MICAL3: variants seen among roughly 807,000 people sequenced by gnomAD.
MICAL3 encodes microtubule associated monooxygenase, calponin and LIM domain containing 3.
Under a neutral mutation model 207.4 loss-of-function variants are expected in MICAL3, and 62 were observed. The observed-to-expected ratio is 0.30, with a 90% confidence interval of 0.24 to 0.37. MICAL3 has a LOEUF of 0.37. Among genes scored for constraint, MICAL3 ranks in the 10% least tolerant of loss-of-function variants. The pLI is 1.00. For synonymous variants in MICAL3, 1,077 were observed against 1,069.3 expected, an observed-to-expected ratio of 1.01 and a Z score of -0.14; for missense variants, 2,368 against 2,635.6, an observed-to-expected ratio of 0.90 and a Z score of 2.22.
chr22:17,890,237 G>C (rs1314024583), intron 12 of MICAL3, among the ~76,000 whole-genome samples: 1 of 151,902 alleles, frequency 6.6e-6, no homozygotes, highest in Non-Finnish European at 1.5e-5. Flanking sequence ...CCTCACCATA[G>C]GTTCAGCCTC....
In MICAL3 at chr22:17,900,941, T is replaced by C. The variant is rs551202813; in HGVS notation, c.748A>G (p.Ile250Val). The change falls in exon 6 of 32, where the codon ATC becomes GTC. Residue 250 changes from isoleucine to valine, a missense_variant. Physicochemically the swap from Ile to Val is conservative, Grantham distance 29. Around this residue, in one of 4 missense-constraint regions of MICAL3, gnomAD observed 400 missense variants for 547.0 expected, o/e 0.73. Transcript: ENST00000441493. The surrounding 1 kb of genome is among the most constrained non-coding windows in gnomAD (Gnocchi z 4.0). ...KLAIAITANF[I>V]NRNTTAEAKV... is the part of the protein sequence containing the mutation. ...GCTTCTGCTGTTGTATTTCGGTTGA[T>C]AAAATTTGCCGTGATGGCGATGGCC... 1.2e-6 allele frequency: 2 copies of C among 1,614,076 alleles called. No individual in the cohort carries two copies. Among genetic ancestry groups the C allele is most frequent in the Middle Eastern group, 1.6e-4 (1 of 6,062 alleles).
chr22:17,807,089 T>G (rs533563455), intron 29 of MICAL3, among the ~76,000 whole-genome samples: 1 of 152,310 alleles, frequency 6.6e-6, no homozygotes, highest in East Asian at 1.9e-4. Flanking sequence ...AACCATGAAA[T>G]GCGGTTATTC....
intron 1 of MICAL3, among the ~76,000 whole-genome samples, chr22:17,979,776 TAAAAAAACAA>T (rs1221529757): frequency 4.6e-4 from 48 of 104,092 alleles, no homozygotes; most frequent in Admixed American, 3.3e-3. Flanking sequence ...CTGGTGGATT[TAAAAAAACAA>T]AAAAAAACAA....
chr22:17,971,924 G>A (rs780212824), intron 1 of MICAL3, among the ~76,000 whole-genome samples: 3 of 152,230 alleles, frequency 2.0e-5, no homozygotes, highest in Non-Finnish European at 4.4e-5. Context: ...CAGGACCACC[G>A]GCCAGTGGGC....
intron 1 of MICAL3, among the ~76,000 whole-genome samples, chr22:17,926,977 T>G (rs1024769354): frequency 6.6e-6 from 1 of 152,224 alleles, no homozygotes; most frequent in African/African-American, 2.4e-5. Flanking sequence ...AATTGTACAA[T>G]TCAGTGGTAT....
In MICAL3 at chr22:17,793,849, AGAG is replaced by A. The variant is rs1011402175; in HGVS notation, c.5651-2551_5651-2549del. On this transcript the variant is annotated intron_variant, in intron 29 of 31. Transcript: ENST00000441493. The surrounding 1 kb of genome is among the most constrained non-coding windows in gnomAD (Gnocchi z 4.1). ...GGAGACGGAGAAAGACAAAAAAGGA[AGAG>A]GAGGAGAGGAGCAGGAATTTGGAAG... 6.6e-6 allele frequency: 1 copy of A among 152,340 alleles called. No individual in the cohort carries two copies. The highest frequency in any genetic ancestry group is 2.4e-5 in the African/African-American group (1 of 41,382). The allele number at this position is 152,340 out of a possible 1,614,324, so 9.4% of individuals were successfully genotyped here. A position where few individuals can be genotyped will look rare whatever the true frequency, so the allele number is the denominator to read the frequency against.
At chr22:17,969,136 GGGTTCAAGCAA>G (rs2146405399) in intron 1 of MICAL3, among the ~76,000 whole-genome samples, 1 of 151,992 alleles carries the variant, frequency 6.6e-6, no homozygotes, top group African/African-American at 2.4e-5. Context: ...TCCACCTCCC[GGGTTCAAGCAA>G]TTCTGCCTCA....
intron 20 of MICAL3, among the ~76,000 whole-genome samples, chr22:17,838,536 A>T (rs1923646341): frequency 6.6e-6 from 1 of 152,148 alleles, no homozygotes; most frequent in East Asian, 1.9e-4. Context: ...TAATCCTCAA[A>T]ACAAACCTAT....
chr22:17,869,114 T>C (rs1189568964), intron 17 of MICAL3, among the ~76,000 whole-genome samples: 1 of 152,020 alleles, frequency 6.6e-6, no homozygotes, highest in Admixed American at 6.5e-5. Flanking sequence ...TTCATCATGC[T>C]TATGGGATGG....
intron 28 of MICAL3, among the ~76,000 whole-genome samples, chr22:17,810,223 T>C (rs1054575153): frequency 2.4e-4 from 36 of 151,758 alleles, no homozygotes; most frequent in East Asian, 3.9e-4. Flanking sequence ...CCACCACGCC[T>C]GGCTAATTTT....
intron 1 of MICAL3, among the ~76,000 whole-genome samples, chr22:17,969,670 C>T (rs1935313830): frequency 1.3e-5 from 2 of 152,182 alleles, no homozygotes; most frequent in Non-Finnish European, 2.9e-5. Context: ...ATTCTAGAAA[C>T]TTATTTTGGG....
chr22:17,960,008 C>T (rs1040657150), intron 1 of MICAL3, among the ~76,000 whole-genome samples: 12 of 152,198 alleles, frequency 7.9e-5, no homozygotes, highest in African/African-American at 1.2e-4. Flanking sequence ...GAGCACTTAA[C>T]GTCTGTGGAT....
In MICAL3 at chr22:17,930,230, A is replaced by G. The variant is rs148736345; in HGVS notation, c.-74-23344T>C. ...CGCGTGGTGAACTCGTACAACCACT[A>G]TGGAAAATTGTTCAGCAGTGGTTCT... On this transcript the variant is annotated intron_variant, in intron 1 of 31. Coordinates refer to ENST00000441493, the MANE Select transcript of MICAL3 (RefSeq NM_015241.3). Among the ~76,000 whole-genome samples the G allele has an allele frequency of 1.7e-3, 257 of 152,320 alleles. 1 individual carries two copies. Among genetic ancestry groups the G allele is most frequent in the Middle Eastern group, 6.8e-3 (2 of 294 alleles).
chr22:17,989,656 A>T (rs61062872), intron 1 of MICAL3, among the ~76,000 whole-genome samples: 6,761 of 152,192 alleles, frequency 0.044, 282 homozygotes, highest in African/African-American at 0.11. Flanking sequence ...TCTCCTCCGT[A>T]GGCCCACAGA....
rs201172389 is a variant in MICAL3, at chr22:17,877,198, GGGAGGTTAT to G, written c.2242-5184_2242-5176del. Reference sequence around the variant, plus strand: ...GAGGTTAGGGAAGTTATGGAGGTTAGGGAGGTTATGGAGGTTATGGAGGTTAGGGAGGTT... The same window carrying G: ...GAGGTTAGGGAAGTTATGGAGGTTAGGGAGGTTATGGAGGTTAGGGAGGTT... On this transcript the variant is annotated intron_variant, in intron 16 of 31. Transcript: ENST00000441493. 1.7e-3 allele frequency among the ~76,000 whole-genome samples: 71 copies of G among 41,214 alleles called. 4 individuals carry two copies. Among genetic ancestry groups the G allele is most frequent in the Middle Eastern group, 0.026 (1 of 38 alleles). 27.0% of individuals were successfully genotyped at this position (41,214 alleles called of 152,430 possible). A position where few individuals can be genotyped will look rare whatever the true frequency, so the allele number is the denominator to read the frequency against.
At chr22:17,912,538 A>T (rs1311532289) in intron 1 of MICAL3, among the ~76,000 whole-genome samples, 1 of 152,174 alleles carries the variant, frequency 6.6e-6, no homozygotes, top group African/African-American at 2.4e-5. Flanking sequence ...TCACTGTACA[A>T]GGCTTTCACC....
intron 20 of MICAL3, among the ~76,000 whole-genome samples, chr22:17,836,534 G>C (rs1183110372): frequency 6.6e-6 from 1 of 152,096 alleles, no homozygotes; most frequent in African/African-American, 2.4e-5. Context: ...AGAAGGTCTT[G>C]ATCAAGCTCC....
chr22:17,885,570 C>A (rs1041937803), intron 16 of MICAL3, among the ~76,000 whole-genome samples: 1 of 152,126 alleles, frequency 6.6e-6, no homozygotes, highest in Non-Finnish European at 1.5e-5. Context: ...GTGTACTTCT[C>A]TAGAATTTAA....
chr22:17,891,602 C>T lies in MICAL3; in HGVS notation c.1577G>A (p.Gly526Asp). Residue 526 changes from glycine (G) to aspartate (D), a missense_variant, in exon 12 of 32, where the codon GGT (glycine) becomes GAT (aspartate). This residue lies in a region of MICAL3 where 147 missense variants were observed against 137.7 expected (regional missense o/e 1.07). Coordinates refer to ENST00000441493, the MANE Select transcript of MICAL3 (RefSeq NM_015241.3). ...GCCATCTGTCTGCCTCTGGCACCAA[C>T]CCAGCAGTTTGCTTGAACGAGCTAC... is the stretch of plus-strand genomic sequence containing the variant. ...ESVARSSKLL[G>D]WCQRQTDGYA... 3.1e-6 allele frequency: 5 copies of T among 1,614,010 alleles called. No homozygotes were observed. Among genetic ancestry groups the T allele is most frequent in the Non-Finnish European group, 4.2e-6 (5 of 1,179,880 alleles).
Sources: gnomAD v4.1 joint callset for allele counts (sites outside exome capture counted in the v4.1 genomes callset) on GRCh38, gnomAD v4.1.1 for gene constraint, gnomAD v4.1.1 regional missense constraint, Gnocchi (gnomAD v3.1) non-coding constraint, MANE v1.5 for transcripts, NCBI Gene and HGNC (gene_info 2026-07-23, HGNC 2026-07-21) for gene names.